The following OTOGL variants were observed in gnomAD, a reference collection of about 807,000 sequenced individuals.
The protein encoded by OTOGL is otogelin like, also known as otogelin-like protein.
A neutral mutation model predicts 318.5 loss-of-function variants in OTOGL; 285 were observed. The observed-to-expected ratio is 0.89, with a 90% CI of 0.81 to 0.99. OTOGL has a LOEUF of 0.99. OTOGL is among the 50% of genes least tolerant of loss of function. The probability of loss-of-function intolerance (pLI) is 0.00; values close to 1 mark genes in which losing one functional copy is unlikely to be tolerated. For synonymous variants in OTOGL, 987 were observed against 936.5 expected (o/e 1.05, Z -0.99); for missense variants, 2,899 against 2,845.6 (o/e 1.02, Z -0.43).
intron 43 of OTOGL, 89 bp downstream of exon 43, chr12:80,339,353 T>C (rs1360353203): frequency 2.7e-6 from 3 of 1,110,032 alleles, no homozygotes; most frequent in East Asian, 5.1e-5. Context: ...TTGGACCCTG[T>C]TGCCCCATTT....
chr12:80,170,047 G>A (rs1030396917), intron 1 of OTOGL, among the ~76,000 whole-genome samples: 2 of 152,080 alleles, frequency 1.3e-5, no homozygotes, highest in Non-Finnish European at 2.9e-5. Flanking sequence ...TGGGTCATAT[G>A]GTAAGTGGAT....
At chr12:80,307,817 G>A (rs538517920) in intron 29 of OTOGL, among the ~76,000 whole-genome samples, 1,564 of 136,170 alleles carry the variant, frequency 0.011, 27 homozygotes, top group African/African-American at 0.044. Context: ...AGGGGCGGCC[G>A]GGCAGAGGCA....
rs1305064666 is a variant in OTOGL, at chr12:80,279,079, G to A, written c.2841G>A (p.Val947=). Residue 947 remains valine, a synonymous_variant, in exon 26 of 59, where the codon GTG becomes GTA. Transcript: ENST00000547103. ...FNCTYYPCPA[V]CTIYGDRHYY... is the part of the protein sequence containing the mutation. ...GCACATATTATCCATGCCCAGCAGT[G>A]TGCACAATATACGGGGACCGACATT... is the stretch of plus-strand genomic sequence containing the variant. 1.3e-6 allele frequency: 2 copies of A among 1,594,894 alleles called. No individual in the cohort carries two copies. Among genetic ancestry groups the A allele is most frequent in the South Asian group, 2.2e-5 (2 of 90,924 alleles).
chr12:80,354,435 A>C (rs940161551), intron 46 of OTOGL, among the ~76,000 whole-genome samples: 19 of 152,172 alleles, frequency 1.2e-4, no homozygotes, highest in Non-Finnish European at 1.5e-5. Flanking sequence ...CACAAAATGG[A>C]CTAAGATACT....
chr12:80,242,428 T>C (rs1180209244), intron 11 of OTOGL, among the ~76,000 whole-genome samples: 2 of 152,090 alleles, frequency 1.3e-5, no homozygotes, highest in Non-Finnish European at 1.5e-5. Flanking sequence ...GTTGATAAAA[T>C]GGAAGTGAGA....
At chr12:80,129,282 T>C (rs1276781530) in intron 1 of OTOGL, among the ~76,000 whole-genome samples, 2 of 152,208 alleles carry the variant, frequency 1.3e-5, no homozygotes, top group Admixed American at 1.3e-4. Flanking sequence ...CTCTGTGTCT[T>C]GCTTCCATAT....
intron 37 of OTOGL, 78 bp from the exon 38 acceptor site, chr12:80,332,927 C>A (rs1888164502): frequency 3.4e-6 from 4 of 1,183,550 alleles, no homozygotes; most frequent in Admixed American, 2.1e-5. Context: ...AATTTCTTAG[C>A]ACAGTTTCTG....
chr12:80,174,800 G>C (rs1874423619), intron 1 of OTOGL, among the ~76,000 whole-genome samples: 1 of 152,120 alleles, frequency 6.6e-6, no homozygotes, highest in African/African-American at 2.4e-5. Context: ...TTTAATGCAT[G>C]TAGATTAGAA....
At chr12:80,218,775 C>CT (rs954704193) in intron 5 of OTOGL, among the ~76,000 whole-genome samples, 10 of 137,902 alleles carry the variant, frequency 7.3e-5, no homozygotes, top group African/African-American at 2.4e-4. Context: ...GTATAGATTT[C>CT]TTTTTTTTTC....
At chr12:80,171,371 C>G (rs952162751) in intron 1 of OTOGL, among the ~76,000 whole-genome samples, 1 of 152,172 alleles carries the variant, frequency 6.6e-6, no homozygotes, top group Non-Finnish European at 1.5e-5. Context: ...TGAGCTACCA[C>G]TCCTGGATGA....
intron 1 of OTOGL, among the ~76,000 whole-genome samples, chr12:80,206,789 G>A (rs1049079158): frequency 2.6e-5 from 4 of 151,602 alleles, no homozygotes; most frequent in Non-Finnish European, 4.4e-5. Context: ...GACTACAGGC[G>A]TGAGCCACTG....
At chr12:80,253,825 C>A (rs554854035) in intron 14 of OTOGL, among the ~76,000 whole-genome samples, 1 of 151,984 alleles carries the variant, frequency 6.6e-6, no homozygotes, top group African/African-American at 2.4e-5. Context: ...ATTTTCTTAT[C>A]GTTTGTAATC....
At chr12:80,101,822 G>A (rs961587138) in intron 1 of OTOGL, among the ~76,000 whole-genome samples, 1 of 152,156 alleles carries the variant, frequency 6.6e-6, no homozygotes, top group Non-Finnish European at 1.5e-5. Flanking sequence ...ACCTGTAAAG[G>A]GGGGAAATTG....
chr12:80,341,819 G>T, intron 43 of OTOGL, 129 bp from the exon 44 acceptor site: 1 of 665,008 alleles, frequency 1.5e-6, no homozygotes, highest in Non-Finnish European at 2.5e-6. Context: ...AAAAGTTCAA[G>T]GATACATAAA....
intron 57 of OTOGL, 66 bp downstream of exon 57, chr12:80,372,130 G>T: frequency 2.7e-6 from 3 of 1,125,880 alleles, no homozygotes; most frequent in Non-Finnish European, 2.4e-6. Flanking sequence ...AGTGATTATG[G>T]TTTTTCTCAC....
At chr12:80,182,497 T>C (rs550664033) in intron 1 of OTOGL, among the ~76,000 whole-genome samples, 2 of 152,306 alleles carry the variant, frequency 1.3e-5, no homozygotes, top group East Asian at 3.9e-4. Context: ...CTATAAGAGA[T>C]GAATTAAAAA....
At chr12:80,230,573 G>A (rs919278946) in intron 8 of OTOGL, among the ~76,000 whole-genome samples, 5 of 152,110 alleles carry the variant, frequency 3.3e-5, no homozygotes, top group Admixed American at 6.6e-5. Context: ...CTTTATTAAA[G>A]GAGAAACATA....
chr12:80,140,276 A>G (rs546800771), intron 1 of OTOGL, among the ~76,000 whole-genome samples: 5 of 152,102 alleles, frequency 3.3e-5, no homozygotes, highest in African/African-American at 1.2e-4. Context: ...CTTTATTTCA[A>G]CTTTAGGGTC....
At chr12:80,183,123 G>A (rs1875044417) in intron 1 of OTOGL, among the ~76,000 whole-genome samples, 1 of 152,040 alleles carries the variant, frequency 6.6e-6, no homozygotes, top group African/African-American at 2.4e-5. Flanking sequence ...TTCATCAACA[G>A]TCAAGTGTAG....
Sources: allele counts gnomAD v4.1 joint callset (sites outside exome capture counted in the v4.1 genomes callset), GRCh38; gene constraint gnomAD v4.1.1; transcripts MANE v1.5; gene names NCBI Gene and HGNC (gene_info 2026-07-23, HGNC 2026-07-21).